CPAP: variants seen among roughly 807,000 people sequenced by gnomAD.
CPAP encodes centrosomal P4.1-associated protein.
chr13:24,921,979 T>C, the CPAP span, among the ~76,000 whole-genome samples: 2 of 152,274 alleles, frequency 1.3e-5, no homozygotes, highest in South Asian at 4.1e-4. Flanking sequence ...ATTGATAATA[T>C]ATATGCCGAG....
the CPAP span, among the ~76,000 whole-genome samples, chr13:24,887,834 G>T: frequency 2.0e-5 from 3 of 152,170 alleles, no homozygotes; most frequent in Non-Finnish European, 4.4e-5. Flanking sequence ...GTGAGCACAT[G>T]CTGTTGGAAA....
chr13:24,892,781 G>A, the CPAP span: 2 of 1,613,554 alleles, frequency 1.2e-6, no homozygotes, highest in South Asian at 2.2e-5. Context: ...TTTGTATCTG[G>A]CTTCTGAGAC....
chr13:24,905,743 G>A, the CPAP span: 10 of 1,613,988 alleles, frequency 6.2e-6, no homozygotes, highest in Middle Eastern at 1.6e-4. Flanking sequence ...TAGACTCATC[G>A]CTACTGTAAT....
the CPAP span, among the ~76,000 whole-genome samples, chr13:24,889,606 GACAA>G: frequency 6.6e-6 from 1 of 151,894 alleles, no homozygotes; most frequent in Non-Finnish European, 1.5e-5. Flanking sequence ...CGCCCCTTTT[GACAA>G]ACATTCATTC....
At chr13:24,894,520 G>A in the CPAP span, among the ~76,000 whole-genome samples, 5 of 152,248 alleles carry the variant, frequency 3.3e-5, no homozygotes, top group African/African-American at 1.2e-4. Context: ...CGGAGGCCGC[G>A]CTGCAGGGCG....
At chr13:24,882,884 A>T in the CPAP span, 3 of 376,848 alleles carry the variant, frequency 8.0e-6, no homozygotes, top group South Asian at 2.6e-5. Context: ...GTTTTTTTTT[A>T]TAGCCATTTC....
At chr13:24,898,783 G>A in the CPAP span, among the ~76,000 whole-genome samples, 21 of 152,168 alleles carry the variant, frequency 1.4e-4, no homozygotes, top group African/African-American at 4.8e-4. Flanking sequence ...ACAGTGGAAG[G>A]TGCATTTTAT....
chr13:24,907,161 T>G, the CPAP span: 1 of 1,613,852 alleles, frequency 6.2e-7, no homozygotes, highest in Non-Finnish European at 8.5e-7. Flanking sequence ...TTCAAAGGTC[T>G]GTTTCCTTTC....
At chr13:24,906,629 G>T in the CPAP span, 2 of 1,614,162 alleles carry the variant, frequency 1.2e-6, no homozygotes, top group Non-Finnish European at 1.7e-6. Flanking sequence ...CAATCCTGAC[G>T]GAGAAAGACT....
the CPAP span, chr13:24,905,720 A>G: frequency 2.5e-6 from 4 of 1,614,164 alleles, no homozygotes; most frequent in East Asian, 8.9e-5. Flanking sequence ...TTTATGTTTT[A>G]TGCTTTCCAT....
At chr13:24,933,378 G>A in the CPAP span, 2 of 366,922 alleles carry the variant, frequency 5.5e-6, no homozygotes, top group African/African-American at 4.0e-5. Context: ...AGTGAGGCAG[G>A]ATATTACTAG....
chr13:24,896,416 C>T, the CPAP span, among the ~76,000 whole-genome samples: 75 of 152,340 alleles, frequency 4.9e-4, no homozygotes, highest in Non-Finnish European at 9.3e-4. Flanking sequence ...CACCAGCCAG[C>T]CACAGGTGGC....
chr13:24,920,413 T>C, the CPAP span, among the ~76,000 whole-genome samples: 3,934 of 152,264 alleles, frequency 0.026, 65 homozygotes, highest in East Asian at 0.057. Flanking sequence ...GTACCATTAA[T>C]TGCAACTGAA....
chr13:24,893,348 A>C, the CPAP span, among the ~76,000 whole-genome samples: 5 of 152,272 alleles, frequency 3.3e-5, no homozygotes, highest in Admixed American at 3.3e-4. Flanking sequence ...TTTTAGAAAG[A>C]CTAAAATAAG....
chr13:24,908,008 C>A, the CPAP span: 1 of 1,560,382 alleles, frequency 6.4e-7, no homozygotes, highest in Non-Finnish European at 8.8e-7. Context: ...ACTTTCAACA[C>A]GAACAATACC....
At chr13:24,907,766 A>G in the CPAP span, among the ~76,000 whole-genome samples, 2 of 152,206 alleles carry the variant, frequency 1.3e-5, no homozygotes, top group African/African-American at 2.4e-5. Context: ...ACTATTTGAG[A>G]GAAAATTGAT....
At chr13:24,911,998 C>A in the CPAP span, 5 of 1,614,170 alleles carry the variant, frequency 3.1e-6, no homozygotes, top group Non-Finnish European at 3.4e-6. Flanking sequence ...CTTGTTCTTC[C>A]ATGAGTCTCT....
chr13:24,911,823 G>A, the CPAP span: 10 of 1,186,280 alleles, frequency 8.4e-6, no homozygotes, highest in South Asian at 2.5e-5. Flanking sequence ...CACATTTATC[G>A]GGCTAGCCTT....
chr13:24,890,489 A>C, the CPAP span, among the ~76,000 whole-genome samples: 2 of 152,146 alleles, frequency 1.3e-5, no homozygotes, highest in Admixed American at 6.5e-5. Flanking sequence ...CGCTGTCCTC[A>C]TGCAGCTAAA....
Sources: allele counts gnomAD v4.1 joint callset (sites outside exome capture counted in the v4.1 genomes callset), GRCh38; gene constraint gnomAD v4.1.1; transcripts MANE v1.5; gene names NCBI Gene and HGNC (gene_info 2026-07-23, HGNC 2026-07-21).